Variants in ABL1 observed in about 807,000 individuals in gnomAD.
ABL1 encodes the protein ABL proto-oncogene 1, non-receptor tyrosine kinase.
Under a neutral mutation model 94.7 loss-of-function variants are expected in ABL1, and 11 were observed. The ratio of observed to expected loss-of-function variants is 0.12; its 90% confidence interval spans 0.07 to 0.19. The LOEUF is 0.19. Ranked by LOEUF, ABL1 falls within the 10% of genes least tolerant of loss-of-function variation. ABL1 has a pLI of 1.00. For missense variants in ABL1, 1,082 were observed against 1,489.4 expected (o/e 0.73, Z 4.50); for synonymous variants, 656 against 622.4 (o/e 1.05, Z -0.80).
intron 1 of ABL1, among the ~76,000 whole-genome samples, chr9:130,845,337 C>G (rs945231560): frequency 2.6e-5 from 4 of 152,012 alleles, no homozygotes; most frequent in Admixed American, 2.6e-4. Flanking sequence ...CAGTCCAAAT[C>G]TTAACCTTTC....
intron 1 of ABL1, among the ~76,000 whole-genome samples, chr9:130,810,858 C>T (rs991780959): frequency 6.6e-6 from 1 of 151,958 alleles, no homozygotes; most frequent in Non-Finnish European, 1.5e-5. Flanking sequence ...TGAAGAAAAA[C>T]TATATACTAA....
chr9:130,834,446 T>C (rs751113972), upstream of ABL1, among the ~76,000 whole-genome samples: 30 of 152,250 alleles, frequency 2.0e-4, no homozygotes, highest in Non-Finnish European at 4.1e-4. Context: ...ACTGTGATTG[T>C]TGCTGCTTTA....
At chr9:130,785,516 A>G (rs868634204) in intron 1 of ABL1, among the ~76,000 whole-genome samples, 5 of 151,742 alleles carry the variant, frequency 3.3e-5, no homozygotes, top group Non-Finnish European at 5.9e-5. Context: ...CTCCCTCTTC[A>G]CTCTACCTGC....
chr9:130,875,172 C>CAAAA, intron 7 of ABL1, 120 bp downstream of exon 7: 5 of 1,125,552 alleles, frequency 4.4e-6, no homozygotes, highest in Non-Finnish European at 6.2e-6. Context: ...GACGGAGTCT[C>CAAAA]ACTCTGTCAC....
chr9:130,781,079 A>G (rs566690628), intron 1 of ABL1, among the ~76,000 whole-genome samples: 26 of 152,214 alleles, frequency 1.7e-4, no homozygotes, highest in East Asian at 9.6e-4. Context: ...CAGTGAGTCA[A>G]CGCAGTCCCA....
chr9:130,751,129 C>CTTTTTTTTTTTTTTTTTTTTT lies in ABL1; in HGVS notation c.136+36684_136+36704dup, dbSNP rs60206110. On this transcript the variant is annotated intron_variant, in intron 1 of 10. Transcript: ENST00000372348. ...TTTGAAACTTGTTTTTTTTATTCAG[C>CTTTTTTTTTTTTTTTTTTTTT]TTTTTTTTTTTTTTTTTTTTTTTTT... Among the ~76,000 whole-genome samples the CTTTTTTTTTTTTTTTTTTTTT allele has an allele frequency of 1.0e-4, 6 of 57,484 alleles. 1 individual carries two copies. Among genetic ancestry groups the CTTTTTTTTTTTTTTTTTTTTT allele is most frequent in the African/African-American group, 1.6e-4 (2 of 12,588 alleles). 37.7% of individuals were successfully genotyped at this position (57,484 alleles called of 152,430 possible). A position where few individuals can be genotyped will look rare whatever the true frequency, so the allele number is the denominator to read the frequency against.
chr9:130,792,512 C>T (rs7026988), intron 1 of ABL1, among the ~76,000 whole-genome samples: 33,156 of 151,734 alleles, frequency 0.22, 4,859 homozygotes, highest in African/African-American at 0.43. Flanking sequence ...TTCTCCATGA[C>T]ACACCAGGAG....
chr9:130,875,138 CTTCCT>C (rs1831318908), intron 7 of ABL1, 86 bp downstream of exon 7: 27 of 1,413,072 alleles, frequency 1.9e-5, no homozygotes, highest in East Asian at 2.4e-5. Context: ...CCTTTCTTTT[CTTCCT>C]TTCTTTTTGT....
rs1478270641 is a variant in ABL1, at chr9:130,853,936, G to T, written c.80-128G>T. The T allele has an allele frequency of 1.0e-5, 10 of 957,656 alleles. No homozygotes were observed. In the South Asian group the frequency reaches 1.7e-4, roughly 16 times the overall value. The allele number at this position is 957,656 out of a possible 1,614,324, so 59.3% of individuals were successfully genotyped here. On this transcript the variant is annotated intron_variant, in intron 1 of 10. Coordinates refer to ENST00000318560, the MANE Select transcript of ABL1 (RefSeq NM_005157.6). ...CTTAATGATAATAGTATGTACAGAT[G>T]TTAAGAAATGAAATAGGAATGTGTA...
chr9:130,853,170 C>CTTTTTTTTTTTTTT (rs11418318), intron 1 of ABL1, among the ~76,000 whole-genome samples: 1 of 75,342 alleles, frequency 1.3e-5, no homozygotes. Context: ...TTTGACTTTT[C>CTTTTTTTTTTTTTT]TTTTTTTTTT....
intron 1 of ABL1, among the ~76,000 whole-genome samples, chr9:130,738,693 T>C (rs1438710437): frequency 1.3e-5 from 2 of 152,200 alleles, no homozygotes; most frequent in African/African-American, 2.4e-5. Flanking sequence ...ACCTTGCTGA[T>C]TGATGGACAA....
At chr9:130,870,673 G>A (rs3808817) in intron 4 of ABL1, among the ~76,000 whole-genome samples, 18,292 of 152,172 alleles carry the variant, frequency 0.12, 1,209 homozygotes, top group African/African-American at 0.15. Context: ...CGGCCAATGG[G>A]GTGGTGACAG....
At chr9:130,739,193 C>T (rs1831783731) in intron 1 of ABL1, among the ~76,000 whole-genome samples, 2 of 152,060 alleles carry the variant, frequency 1.3e-5, no homozygotes, top group South Asian at 4.1e-4. Context: ...TGTGCCTGGC[C>T]CGATATGTGT....
chr9:130,787,738 T>TA (rs1228274849), intron 1 of ABL1, among the ~76,000 whole-genome samples: 1 of 152,186 alleles, frequency 6.6e-6, no homozygotes, highest in Non-Finnish European at 1.5e-5. Flanking sequence ...ATTCTAGTGT[T>TA]ACACCAGCCC....
intron 1 of ABL1, among the ~76,000 whole-genome samples, chr9:130,729,728 A>G (rs967901814): frequency 2.0e-5 from 3 of 150,232 alleles, no homozygotes; most frequent in East Asian, 1.9e-4. Context: ...CAGAAGTTCA[A>G]TTCTGCATAT....
chr9:130,878,737 T>C (rs910330309), intron 8 of ABL1, among the ~76,000 whole-genome samples, 170 bp downstream of exon 8: 2 of 152,214 alleles, frequency 1.3e-5, no homozygotes, highest in Non-Finnish European at 2.9e-5. Flanking sequence ...TATTTACAGA[T>C]AAATAGTATG....
chr9:130,852,382 T>C (rs903581784), intron 1 of ABL1, among the ~76,000 whole-genome samples: 5 of 152,072 alleles, frequency 3.3e-5, no homozygotes, highest in African/African-American at 1.2e-4. Flanking sequence ...TTTTCTATTT[T>C]AGTAGTGACG....
intron 1 of ABL1, among the ~76,000 whole-genome samples, chr9:130,850,367 A>G (rs930525994): frequency 6.6e-6 from 1 of 151,782 alleles, no homozygotes; most frequent in African/African-American, 2.4e-5. Flanking sequence ...GAAAGCTTTG[A>G]CAGTGGGAAT....
At position 130,840,065 on chromosome 9, in the gene ABL1, A is replaced by C. The variant is rs531361470; in HGVS notation, c.79+4540A>C. ...AATTGTTTAGCAGGGAGCCTGGCAC[A>C]GAACAAGAGCCTAGCAGAAAAGTAA... On this transcript the variant is annotated intron_variant, in intron 1 of 10. Coordinates refer to ENST00000318560, the MANE Select transcript of ABL1 (RefSeq NM_005157.6). Among the ~76,000 whole-genome samples, 27 of 152,354 alleles carry C rather than the reference A, an allele frequency of 1.8e-4. 1 individual carries two copies. The South Asian group carries it at 5.2e-3, about 29-fold the overall frequency.
Sources: allele counts gnomAD v4.1 joint callset (sites outside exome capture counted in the v4.1 genomes callset), GRCh38; gene constraint gnomAD v4.1.1; transcripts MANE v1.5; gene names NCBI Gene and HGNC (gene_info 2026-07-23, HGNC 2026-07-21).